Variants in CNTN5 observed in about 807,000 individuals in gnomAD.
CNTN5 encodes contactin-5.
In CNTN5, 77 loss-of-function variants were observed where a neutral mutation model predicts 129.1. The observed-to-expected ratio is 0.60, with a 90% CI of 0.50 to 0.72. The LOEUF (loss-of-function observed/expected upper bound fraction) is 0.72, where lower values mean the gene tolerates loss of function less well. Among genes scored for constraint, CNTN5 ranks in the 30% least tolerant of loss-of-function variants. CNTN5 has a pLI of 0.00. For synonymous variants in CNTN5, 509 were observed against 465.6 expected (o/e 1.09, Z -1.20); for missense variants, 1,478 against 1,328.8 (o/e 1.11, Z -1.75).
At chr11:99,359,418 G>A (rs1938941315) in intron 2 of CNTN5, among the ~76,000 whole-genome samples, 1 of 151,886 alleles carries the variant, frequency 6.6e-6, no homozygotes, top group African/African-American at 2.4e-5. Flanking sequence ...TGAGGGTTAG[G>A]TTTCAATATA....
At chr11:100,222,517 G>C (rs562491041) in intron 15 of CNTN5, among the ~76,000 whole-genome samples, 1 of 152,082 alleles carries the variant, frequency 6.6e-6, no homozygotes, top group South Asian at 2.1e-4. Flanking sequence ...TGGAAAATGA[G>C]ACTATCAGTT....
chr11:99,502,293 T>G (rs937330600), intron 2 of CNTN5, among the ~76,000 whole-genome samples: 1 of 152,156 alleles, frequency 6.6e-6, no homozygotes, highest in Non-Finnish European at 1.5e-5. Flanking sequence ...TATTGCTATT[T>G]TTTTCTTGTG....
At position 99,042,463 on chromosome 11, in the gene CNTN5, C is replaced by T. The variant is rs140798457; in HGVS notation, c.-210+21193C>T. Among the ~76,000 whole-genome samples, 1,046 of 149,534 alleles carry T rather than the reference C, an allele frequency of 7.0e-3. 10 individuals carry two copies. The highest frequency in any genetic ancestry group is 0.025 in the African/African-American group (1,012 of 40,628). On this transcript the variant is annotated intron_variant, in intron 1 of 24. Transcript: ENST00000524871. ...CAATCTCGGCTCACTGCAAGCTCCG[C>T]CTCCTGGGTTCACACCATTCTCCTG...
chr11:99,592,461 T>C (rs1950007056), intron 3 of CNTN5, among the ~76,000 whole-genome samples: 2 of 152,070 alleles, frequency 1.3e-5, no homozygotes, highest in African/African-American at 2.4e-5. Flanking sequence ...GCATATCAAA[T>C]GCTGCAATGA....
intron 21 of CNTN5, chr11:100,308,944 G>A (rs1192094566): frequency 6.9e-5 from 68 of 984,380 alleles, no homozygotes; most frequent in Non-Finnish European, 8.1e-5. Context: ...CTTAAATGTT[G>A]CTATTTTTAA....
chr11:100,225,349 T>C (rs1331677354), intron 16 of CNTN5: 1 of 152,320 alleles, frequency 6.6e-6, no homozygotes, highest in African/African-American at 2.4e-5. Flanking sequence ...GGTTTCCAGT[T>C]ATGAAACAGT....
At chr11:99,922,965 T>C (rs1221871448) in intron 7 of CNTN5, among the ~76,000 whole-genome samples, 1 of 152,220 alleles carries the variant, frequency 6.6e-6, no homozygotes, top group Non-Finnish European at 1.5e-5. Context: ...AATATCACAT[T>C]CATGTATTGC....
At chr11:99,091,021 CA>C (rs68113369) in intron 1 of CNTN5, among the ~76,000 whole-genome samples, 13,259 of 56,112 alleles carry the variant, frequency 0.24, 142 homozygotes, top group South Asian at 0.27. Context: ...GACTCCGTCT[CA>C]AAAAAAAAAA....
intron 9 of CNTN5, among the ~76,000 whole-genome samples, chr11:100,012,898 A>G (rs1233184868): frequency 6.6e-6 from 1 of 152,162 alleles, no homozygotes; most frequent in Non-Finnish European, 1.5e-5. Context: ...CTTTCTTTTA[A>G]GTTAATCTCC....
chr11:99,194,928 C>A (rs12293029), intron 1 of CNTN5, among the ~76,000 whole-genome samples: 18,826 of 152,046 alleles, frequency 0.12, 1,222 homozygotes, highest in Non-Finnish European at 0.14. Context: ...TTTAGATTAG[C>A]TAAATGTGCT....
chr11:100,181,427 T>C (rs1404651979), intron 13 of CNTN5, among the ~76,000 whole-genome samples: 2 of 151,916 alleles, frequency 1.3e-5, no homozygotes, highest in Non-Finnish European at 2.9e-5. Flanking sequence ...GTGGTGAGTA[T>C]GTGGGATGAA....
intron 6 of CNTN5, among the ~76,000 whole-genome samples, chr11:99,892,975 A>C (rs976339028): frequency 6.6e-6 from 1 of 152,076 alleles, no homozygotes; most frequent in Admixed American, 6.6e-5. Flanking sequence ...AAATGAAGCA[A>C]TATAACTCCT....
intron 9 of CNTN5, among the ~76,000 whole-genome samples, chr11:100,020,485 C>T (rs975381051): frequency 6.6e-6 from 1 of 151,998 alleles, no homozygotes; most frequent in African/African-American, 2.4e-5. Context: ...TTCCATATGC[C>T]TATATGTCTG....
chr11:99,597,252 T>C (rs1395683634), intron 3 of CNTN5, among the ~76,000 whole-genome samples: 3 of 152,204 alleles, frequency 2.0e-5, no homozygotes, highest in African/African-American at 7.2e-5. Context: ...TTCTTGGTTC[T>C]GAAGCCTCAG....
intron 2 of CNTN5, among the ~76,000 whole-genome samples, chr11:99,382,844 A>AGTT (rs774797660): frequency 0.19 from 13,185 of 68,236 alleles, 2,121 homozygotes; most frequent in East Asian, 0.27. Flanking sequence ...TCTCTAAATA[A>AGTT]CTTTTTTTTT....
At chr11:99,914,701 G>A (rs1949743812) in intron 6 of CNTN5, among the ~76,000 whole-genome samples, 1 of 151,948 alleles carries the variant, frequency 6.6e-6, no homozygotes, top group African/African-American at 2.4e-5. Context: ...ATTGAATTTT[G>A]TATAAAATCT....
intron 3 of CNTN5, among the ~76,000 whole-genome samples, chr11:99,672,232 C>G (rs61683007): frequency 0.011 from 1,612 of 152,216 alleles, 34 homozygotes; most frequent in African/African-American, 0.035. Context: ...AACTTTTTTC[C>G]TTTTGCTCTC....
intron 1 of CNTN5, among the ~76,000 whole-genome samples, chr11:99,107,248 A>T (rs1483006333): frequency 6.6e-6 from 1 of 152,206 alleles, no homozygotes; most frequent in Non-Finnish European, 1.5e-5. Flanking sequence ...GCACAGAAAA[A>T]TAGTGGAACA....
chr11:100,032,194 A>G (rs1434958671), intron 9 of CNTN5, among the ~76,000 whole-genome samples: 1 of 152,216 alleles, frequency 6.6e-6, no homozygotes, highest in Non-Finnish European at 1.5e-5. Flanking sequence ...GAAGGCAGTC[A>G]TTCTGAGAGT....
Sources: allele counts gnomAD v4.1 joint callset (sites outside exome capture counted in the v4.1 genomes callset), GRCh38; gene constraint gnomAD v4.1.1; transcripts MANE v1.5; gene names NCBI Gene and HGNC (gene_info 2026-07-23, HGNC 2026-07-21).